The following DBF4B variants were observed in gnomAD, a reference collection of about 807,000 sequenced individuals.
DBF4B encodes DBF4B-CDC7 kinase regulatory subunit.
A neutral mutation model predicts 53.4 loss-of-function variants in DBF4B; 49 were observed. The ratio of observed to expected loss-of-function variants is 0.92; its 90% CI spans 0.73 to 1.16. DBF4B has a LOEUF of 1.16. Among genes scored for constraint, DBF4B ranks in the 50% most tolerant of loss-of-function variants. The pLI is 0.00. For synonymous variants in DBF4B, 257 were observed against 288.7 expected (o/e 0.89, Z 1.11); for missense variants, 692 against 775.0 (o/e 0.89, Z 1.27).
At chr17:44,731,391 C>G (rs970206075) in intron 5 of DBF4B, 1 of 224,234 alleles carries the variant, frequency 4.5e-6, no homozygotes. Context: ...GGGTGGACCA[C>G]TTGAGGCCAG....
In DBF4B at chr17:44,741,370, T is replaced by A; in HGVS notation, c.748T>A (p.Phe250Ile). The A allele has an allele frequency of 6.2e-7, 1 of 1,613,694 alleles. No homozygotes were observed. The highest frequency in any genetic ancestry group is 2.2e-5 in the East Asian group (1 of 44,874). The change falls in exon 10 of 14, where the codon TTT (phenylalanine) becomes ATT (isoleucine). Residue 250 changes from phenylalanine (F) to isoleucine (I), a missense_variant. Phe to Ile is a conservative substitution (Grantham distance 21, BLOSUM62 0). Transcript: ENST00000315005. The stretch of plus-strand genomic sequence containing the variant: ...TCCTTTCCATCATCAGTTTAAATCC[T>A]TTCCTGAAATTTCTTTTCTTGGACC... ...FRPFHHQFKS[F>I]PEISFLGPKD...
intron 9 of DBF4B, among the ~76,000 whole-genome samples, chr17:44,738,975 C>T (rs760707132): frequency 6.6e-6 from 1 of 152,190 alleles, no homozygotes; most frequent in Non-Finnish European, 1.5e-5. Flanking sequence ...ATGAGGAGAG[C>T]CCATCTCTTC....
intron 5 of DBF4B, chr17:44,731,864 C>T (rs897064243): frequency 6.1e-5 from 18 of 295,140 alleles, no homozygotes; most frequent in African/African-American, 3.9e-4. Flanking sequence ...GTGCTGAGAG[C>T]TTTCCTCGCA....
intron 2 of DBF4B, among the ~76,000 whole-genome samples, chr17:44,718,291 T>C (rs1183593032): frequency 1.3e-5 from 2 of 151,510 alleles, no homozygotes; most frequent in East Asian, 2.0e-4. Context: ...GGCATGGTGG[T>C]GTGCGCCTGT....
At position 44,730,072 on chromosome 17, in the gene DBF4B, G is replaced by T. The variant is rs549371809; in HGVS notation, c.393G>T (p.Arg131Ser). Reference sequence around the variant, plus strand: ...TTGATCCAAAAGGCAGCCACCCCAGGCCTTCACGGAAACCCGTTGACTCGG... The same window carrying T: ...TTGATCCAAAAGGCAGCCACCCCAGTCCTTCACGGAAACCCGTTGACTCGG... Reference protein sequence around the residue: ...AMVDPKGSHPRPSRKPVDSVP... With the variant: ...AMVDPKGSHPSPSRKPVDSVP... The change falls in exon 4 of 14, where the codon AGG (arginine) becomes AGT (serine). Residue 131 changes from arginine (R) to serine (S), a missense_variant. Coordinates refer to ENST00000315005, the MANE Select transcript of DBF4B (RefSeq NM_145663.3). 4.7e-5 allele frequency: 76 copies of T among 1,612,644 alleles called. 1 individual carries two copies. In the South Asian group the frequency reaches 8.0e-4, roughly 17 times the overall value.
intron 5 of DBF4B, 137 bp from the exon 6 acceptor site, chr17:44,732,041 A>G: frequency 2.7e-6 from 2 of 731,960 alleles, no homozygotes; most frequent in East Asian, 5.5e-5. Flanking sequence ...TGGGCACTGT[A>G]CTCTCTCTCC....
intron 9 of DBF4B, among the ~76,000 whole-genome samples, chr17:44,739,187 T>C (rs1361850902): frequency 6.6e-6 from 1 of 152,258 alleles, no homozygotes; most frequent in Non-Finnish European, 1.5e-5. Context: ...GCAGCCATGT[T>C]GGTTATCACT....
intron 5 of DBF4B, chr17:44,731,217 G>A (rs954002322): frequency 5.3e-6 from 3 of 564,390 alleles, no homozygotes; most frequent in Admixed American, 2.7e-5. Context: ...AAGTGTTGAA[G>A]CCAGAGCCAC....
intron 2 of DBF4B, among the ~76,000 whole-genome samples, chr17:44,716,899 CCTGT>C (rs1231062441): frequency 6.6e-6 from 1 of 152,166 alleles, no homozygotes; most frequent in Non-Finnish European, 1.5e-5. Flanking sequence ...TCTCTTATCT[CCTGT>C]CTGTTTTTCA....
At chr17:44,750,154 G>C (rs756667581) in intron 13 of DBF4B, 8 of 994,378 alleles carry the variant, frequency 8.0e-6, no homozygotes, top group Non-Finnish European at 9.6e-6. Context: ...CTCCTCCCTC[G>C]CTCCCTCCTC....
At chr17:44,709,465 C>A in intron 2 of DBF4B, 99 bp downstream of exon 2, 1 of 1,293,750 alleles carries the variant, frequency 7.7e-7, no homozygotes, top group Non-Finnish European at 1.1e-6. Context: ...TTTTCGATCA[C>A]TCAGTGTTTT....
At chr17:44,738,540 C>A in intron 9 of DBF4B, 116 bp downstream of exon 9, 1 of 1,036,004 alleles carries the variant, frequency 9.7e-7, no homozygotes, top group Non-Finnish European at 1.4e-6. Context: ...CTTAACCCTG[C>A]ACCTTCATCT....
rs1284264600 is a variant in DBF4B, at chr17:44,708,785, G to T, written c.-36G>T. 6.5e-7 allele frequency: 1 copy of T among 1,550,170 alleles called. No individual in the cohort carries two copies. The highest frequency in any genetic ancestry group is 8.7e-7 in the Non-Finnish European group (1 of 1,146,192). ...CGAATGTAATACGGAGGCCTCTGAGGAAGGAGTACGGAGGCCGAGAAGGAG... is the reference window on the plus strand; with the variant it reads ...CGAATGTAATACGGAGGCCTCTGAGTAAGGAGTACGGAGGCCGAGAAGGAG... On this transcript the variant is annotated 5_prime_UTR_variant, in exon 1 of 14. Coordinates refer to ENST00000315005, the MANE Select transcript of DBF4B (RefSeq NM_145663.3).
chr17:44,709,423 G>A, intron 2 of DBF4B, 57 bp downstream of exon 2: 1 of 1,580,262 alleles, frequency 6.3e-7, no homozygotes, highest in Non-Finnish European at 8.7e-7. Context: ...GGGTCTCTTG[G>A]AGAAGACCGA....
chr17:44,739,989 T>C (rs542305319), intron 9 of DBF4B, among the ~76,000 whole-genome samples: 1 of 152,334 alleles, frequency 6.6e-6, no homozygotes, highest in African/African-American at 2.4e-5. Context: ...GATCACAAAC[T>C]GGCCTCAGGT....
chr17:44,719,299 A>G (rs1238596348), intron 2 of DBF4B, among the ~76,000 whole-genome samples: 1 of 151,786 alleles, frequency 6.6e-6, no homozygotes, highest in East Asian at 1.9e-4. Flanking sequence ...TTTGAGTTAT[A>G]GTTCACACAC....
Position 44,751,145 on chromosome 17 carries a change from C to G in DBF4B, c.1740C>G (p.Ser580=), listed in dbSNP as rs538751427. The G allele has an allele frequency of 1.9e-6, 3 of 1,614,146 alleles. No homozygotes were observed. In the South Asian group the frequency reaches 3.3e-5, roughly 18 times the overall value. The change falls in exon 14 of 14, where the codon TCC becomes TCG. Residue 580 remains serine (S), a synonymous_variant. Transcript: ENST00000315005. ...ATCCGTGTACCCTTGCCTTCCCCTCCTATCTCAATGATCATGACCTTGGAC... is the reference window on the plus strand; with the variant it reads ...ATCCGTGTACCCTTGCCTTCCCCTCGTATCTCAATGATCATGACCTTGGAC... ...TSHPCTLAFP[S]YLNDHDLGHL...
chr17:44,749,429 G>A lies in DBF4B; in HGVS notation c.1189+964G>A. On this transcript the variant is annotated intron_variant, in intron 13 of 13. Coordinates refer to ENST00000315005, the MANE Select transcript of DBF4B (RefSeq NM_145663.3). This position sits in a 1 kb window ranked among gnomAD's most constrained non-coding sequence, Gnocchi z 4.4. ...CCCGGCCAGGGCTGACCAGGACGCAGGAGGGGCAGAACCCCAGGACTTCCC... is the reference window on the plus strand; with the variant it reads ...CCCGGCCAGGGCTGACCAGGACGCAAGAGGGGCAGAACCCCAGGACTTCCC... 1 of 1,289,450 alleles carries A rather than the reference G, an allele frequency of 7.8e-7. No homozygotes were observed. The highest frequency in any genetic ancestry group is 1.0e-6 in the Non-Finnish European group (1 of 988,880). 79.9% of individuals were successfully genotyped at this position (1,289,450 alleles called of 1,614,324 possible).
chr17:44,730,233 T>A, intron 4 of DBF4B, 137 bp downstream of exon 4: 1 of 1,010,068 alleles, frequency 9.9e-7, no homozygotes, highest in South Asian at 1.7e-5. Flanking sequence ...CTGAGAATAT[T>A]TTATCATAGC....
Sources: gnomAD v4.1 joint callset for allele counts (sites outside exome capture counted in the v4.1 genomes callset) on GRCh38, gnomAD v4.1.1 for gene constraint, Gnocchi (gnomAD v3.1) non-coding constraint, MANE v1.5 for transcripts, NCBI Gene and HGNC (gene_info 2026-07-23, HGNC 2026-07-21) for gene names.